PSD3: variants seen among roughly 807,000 people sequenced by gnomAD.
PSD3 encodes PH and SEC7 domain-containing protein 3.
In PSD3, 49 loss-of-function variants were observed where a neutral mutation model predicts 105.5. The ratio of observed to expected loss-of-function variants is 0.46; its 90% CI spans 0.37 to 0.59. The LOEUF is 0.59. PSD3 is among the 20% of genes least tolerant of loss of function. PSD3 has a pLI of 0.00. For missense variants in PSD3, 1,561 were observed against 1,263.8 expected (o/e 1.24, Z -3.57); for synonymous variants, 557 against 457.8 (o/e 1.22, Z -2.77).
intron 1 of PSD3, among the ~76,000 whole-genome samples, chr8:19,029,464 A>T (rs1827680666): frequency 6.6e-6 from 1 of 152,174 alleles, no homozygotes; most frequent in South Asian, 2.1e-4. Context: ...GTTCAGCATG[A>T]CTGGGGAGGC....
rs1160606988 is a variant in PSD3 at position 18,684,250 on chromosome 8, A to ACACC, written c.2173-28566_2173-28565insGGTG. On this transcript the variant is annotated intron_variant, in intron 9 of 15. Transcript: ENST00000327040. ...CACACACACACACACACACACACAC[A>ACACC]CCCCATCATATTCACACACTGGAAC... 110 of 170,532 alleles carry ACACC rather than the reference A, an allele frequency of 6.5e-4. 1 individual carries two copies. Among genetic ancestry groups the ACACC allele is most frequent in the East Asian group, 3.0e-3 (21 of 7,112 alleles). The allele number at this position is 170,532 out of a possible 1,614,324, so 10.6% of individuals were successfully genotyped here.
At chr8:18,828,067 A>ATATATATATATATATAT (rs371473289) in intron 4 of PSD3, among the ~76,000 whole-genome samples, 87 of 118,854 alleles carry the variant, frequency 7.3e-4, no homozygotes, top group African/African-American at 3.0e-3. Context: ...ATATATATAT[A>ATATATATATATATATAT]TTTTTTTTTT....
chr8:18,685,355 G>A (rs1354000431), intron 9 of PSD3, among the ~76,000 whole-genome samples: 1 of 151,940 alleles, frequency 6.6e-6, no homozygotes, highest in South Asian at 2.1e-4. Flanking sequence ...AGAGGGTGAT[G>A]TTTGACCCTT....
Position 18,814,362 on chromosome 8 carries a change from C to T in PSD3, c.1635-9464G>A, listed in dbSNP as rs142816276. On this transcript the variant is annotated intron_variant, in intron 4 of 15. Coordinates refer to ENST00000327040, the MANE Select transcript of PSD3 (RefSeq NM_015310.4). ...AGTGCCATGGAAAATGACCCAAACTCACTGTATGAGTCGGGGAGTCTGCAT... is the reference window on the plus strand; with the variant it reads ...AGTGCCATGGAAAATGACCCAAACTTACTGTATGAGTCGGGGAGTCTGCAT... Among the ~76,000 whole-genome samples the T allele has an allele frequency of 4.6e-5, 7 of 152,328 alleles. No homozygotes were observed. In the East Asian group the frequency reaches 1.4e-3, roughly 29 times the overall value.
At chr8:18,631,422 G>A (rs922236567) in intron 11 of PSD3, among the ~76,000 whole-genome samples, 4 of 151,954 alleles carry the variant, frequency 2.6e-5, no homozygotes, top group Admixed American at 6.6e-5. Context: ...AGTTAGGGAA[G>A]AAGAACAATC....
chr8:19,070,369 C>CAAA (rs10561436), intron 1 of PSD3, among the ~76,000 whole-genome samples: 72 of 133,556 alleles, frequency 5.4e-4, no homozygotes, highest in African/African-American at 1.9e-3. Context: ...ATGTCATGTG[C>CAAA]AAAAAAAAAA....
At chr8:18,945,532 C>G (rs924325051) in intron 1 of PSD3, among the ~76,000 whole-genome samples, 1 of 152,202 alleles carries the variant, frequency 6.6e-6, no homozygotes, top group Non-Finnish European at 1.5e-5. Context: ...GTCTCCAAAA[C>G]TTGAAGAGAA....
chr8:18,777,993 A>T (rs1425653459), intron 8 of PSD3, among the ~76,000 whole-genome samples: 1 of 152,234 alleles, frequency 6.6e-6, no homozygotes. Flanking sequence ...TTAATGGAAG[A>T]GTAATATTCT....
At chr8:18,854,232 C>T (rs571923978) in intron 4 of PSD3, 2 of 152,996 alleles carry the variant, frequency 1.3e-5, no homozygotes, top group African/African-American at 4.8e-5. Context: ...GTTGCAAGTA[C>T]AAACTGCTAC....
At chr8:18,885,567 A>G (rs1218777868) in intron 2 of PSD3, among the ~76,000 whole-genome samples, 1 of 152,202 alleles carries the variant, frequency 6.6e-6, no homozygotes, top group Non-Finnish European at 1.5e-5. Flanking sequence ...TCTGTCTATG[A>G]AGACAGATGT....
At chr8:19,016,012 C>T (rs1292400209), upstream of PSD3, among the ~76,000 whole-genome samples, 1 of 152,200 alleles carries the variant, frequency 6.6e-6, no homozygotes, top group Non-Finnish European at 1.5e-5. Flanking sequence ...CATAAATTAG[C>T]CAGTGTTACC....
Position 18,530,682 on chromosome 8 carries a change from T to C in PSD3, c.*5061A>G, listed in dbSNP as rs1232552184. ...CTAAAGTTACTAAGACTGCACAGGC[T>C]GCCTTTTTTTTTTTTTTTCTTTTCT... On this transcript the variant is annotated 3_prime_UTR_variant, in exon 16 of 16. Transcript: ENST00000327040. 1 of 151,376 alleles carries C rather than the reference T, an allele frequency of 6.6e-6. No individual in the cohort carries two copies. Among genetic ancestry groups the C allele is most frequent in the Non-Finnish European group, 1.5e-5 (1 of 67,746 alleles). 9.4% of individuals were successfully genotyped at this position (151,376 alleles called of 1,614,324 possible). A position where few individuals can be genotyped will look rare whatever the true frequency, so the allele number is the denominator to read the frequency against.
In PSD3 at chr8:18,765,467, G is replaced by A. The variant is rs139539737; in HGVS notation, c.2154C>T (p.Phe718=). The A allele has an allele frequency of 6.1e-5, 99 of 1,610,828 alleles. No individual in the cohort carries two copies. The African/African-American group carries it at 1.2e-3, about 19-fold the overall frequency. The change falls in exon 9 of 16, where the codon TTC becomes TTT. Residue 718 remains phenylalanine (F), a synonymous_variant. Coordinates refer to ENST00000327040, the MANE Select transcript of PSD3 (RefSeq NM_015310.4). Reference sequence around the variant, plus strand: ...TGCTTACTTTCAGCAGATCCTTGGAGAAATCAACACCCTCATTTACCCCTT... The same window carrying A: ...TGCTTACTTTCAGCAGATCCTTGGAAAAATCAACACCCTCATTTACCCCTT... The part of the protein sequence containing the change: ...NLQGVNEGVD[F]SKDLLKALYN...
intron 8 of PSD3, among the ~76,000 whole-genome samples, chr8:18,783,337 T>C (rs1370915219): frequency 6.6e-6 from 1 of 152,202 alleles, no homozygotes; most frequent in Non-Finnish European, 1.5e-5. Context: ...TTTTAGTAAT[T>C]TGAGAGTTCT....
At chr8:18,702,960 CT>C (rs1801679329) in intron 9 of PSD3, among the ~76,000 whole-genome samples, 1 of 152,092 alleles carries the variant, frequency 6.6e-6, no homozygotes, top group African/African-American at 2.4e-5. Flanking sequence ...TGTGTAGTGC[CT>C]GCTATAGCCA....
At chr8:18,746,695 G>A (rs1006939764) in intron 9 of PSD3, among the ~76,000 whole-genome samples, 3 of 152,176 alleles carry the variant, frequency 2.0e-5, no homozygotes, top group Non-Finnish European at 2.9e-5. Flanking sequence ...TTAAAAAACT[G>A]TTTTTCAAAA....
chr8:18,901,660 C>T (rs1586370640), intron 2 of PSD3, among the ~76,000 whole-genome samples: 1 of 152,104 alleles, frequency 6.6e-6, no homozygotes, highest in South Asian at 2.1e-4. Flanking sequence ...TAGTGATTTT[C>T]ATCTTTTCAC....
chr8:18,751,022 C>A (rs1805440325), intron 9 of PSD3, among the ~76,000 whole-genome samples: 1 of 152,152 alleles, frequency 6.6e-6, no homozygotes, highest in South Asian at 2.1e-4. Context: ...AGCTGCCTGC[C>A]AGTCCTGCGC....
chr8:19,028,299 C>CCCCCCCCT (rs1563517980), intron 1 of PSD3, among the ~76,000 whole-genome samples: 2 of 96,182 alleles, frequency 2.1e-5, no homozygotes, highest in African/African-American at 4.2e-5. Flanking sequence ...CCGGCCCACC[C>CCCCCCCCT]TTTTTTTTTT....
Sources: gnomAD v4.1 joint callset for allele counts (sites outside exome capture counted in the v4.1 genomes callset) on GRCh38, gnomAD v4.1.1 for gene constraint, MANE v1.5 for transcripts, NCBI Gene and HGNC (gene_info 2026-07-23, HGNC 2026-07-21) for gene names.